TRIML2: variants seen among roughly 807,000 people sequenced by gnomAD.
TRIML2 encodes tripartite motif family like 2.
TRIML2 carries 28 observed loss-of-function variants against 31.2 expected under a neutral mutation model. That is an observed-to-expected ratio of 0.90 (90% CI 0.66 to 1.23). The LOEUF (loss-of-function observed/expected upper bound fraction) is 1.23. Ranked by LOEUF, TRIML2 falls within the 50% of genes most tolerant of loss-of-function variation. The probability of loss-of-function intolerance (pLI) is 0.00; values close to 1 mark genes in which losing one functional copy is unlikely to be tolerated. For missense variants in TRIML2, 536 were observed against 528.3 expected, an observed-to-expected ratio of 1.01 and a Z score of -0.14; for synonymous variants, 187 against 197.5, an observed-to-expected ratio of 0.95 and a Z score of 0.45.
intron 3 of TRIML2, 100 bp downstream of exon 3, chr4:188,104,737 C>T: frequency 2.0e-6 from 2 of 1,002,862 alleles, no homozygotes; most frequent in Non-Finnish European, 1.5e-6. Flanking sequence ...CACATTTTTC[C>T]TGCTTTGTGA....
chr4:188,102,040 G>C (rs539714408), intron 3 of TRIML2, among the ~76,000 whole-genome samples: 1 of 150,488 alleles, frequency 6.6e-6, no homozygotes, highest in African/African-American at 2.4e-5. Context: ...TGAGGCAGGA[G>C]AATGGCGTGA....
At chr4:188,094,856 G>C (rs1733431930) in intron 7 of TRIML2, among the ~76,000 whole-genome samples, 1 of 152,214 alleles carries the variant, frequency 6.6e-6, no homozygotes, top group Non-Finnish European at 1.5e-5. Flanking sequence ...TTTGGAGAAT[G>C]CACAGTACCT....
chr4:188,102,477 A>G (rs1172483413), intron 3 of TRIML2, among the ~76,000 whole-genome samples: 2 of 152,148 alleles, frequency 1.3e-5, no homozygotes, highest in African/African-American at 4.8e-5. Context: ...GAAGCCTACT[A>G]CCATTTGGAA....
At chr4:188,098,035 T>C (rs892532920) in intron 5 of TRIML2, among the ~76,000 whole-genome samples, 5 of 149,380 alleles carry the variant, frequency 3.3e-5, no homozygotes, top group African/African-American at 1.2e-4. Flanking sequence ...GGCAGGAGAA[T>C]CGCTTGAACT....
At chr4:188,096,528 C>CAAAAAAAAAAAA (rs10607852) in intron 7 of TRIML2, among the ~76,000 whole-genome samples, 2 of 39,288 alleles carry the variant, frequency 5.1e-5, no homozygotes, top group Non-Finnish European at 9.8e-5. Flanking sequence ...AACTCTGTCT[C>CAAAAAAAAAAAA]AAAAAAAAAA....
chr4:188,096,261 G>T (rs991415300), intron 7 of TRIML2, among the ~76,000 whole-genome samples: 1 of 151,568 alleles, frequency 6.6e-6, no homozygotes, highest in Admixed American at 6.6e-5. Context: ...TTAGCCAGGC[G>T]TGGTGGCTCA....
intron 5 of TRIML2, 32 bp from the exon 6 acceptor site, chr4:188,097,378 T>A (rs1277090776): frequency 1.9e-6 from 3 of 1,610,944 alleles, no homozygotes; most frequent in Non-Finnish European, 2.5e-6. Flanking sequence ...AGGTTACTAC[T>A]GGGTTTTTGA....
chr4:188,108,420 C>G (rs1044202044), intron 1 of TRIML2, among the ~76,000 whole-genome samples: 1 of 152,154 alleles, frequency 6.6e-6, no homozygotes, highest in South Asian at 2.1e-4. Context: ...TTCACCAATT[C>G]AACTATTGTT....
At chr4:188,098,252 C>T (rs776181789) in intron 5 of TRIML2, 1 of 455,596 alleles carries the variant, frequency 2.2e-6, no homozygotes, top group Non-Finnish European at 4.4e-6. Flanking sequence ...TCTCGCAGTT[C>T]TGGAGGCCGA....
At chr4:188,095,088 A>C (rs1352006481) in intron 7 of TRIML2, among the ~76,000 whole-genome samples, 1 of 152,192 alleles carries the variant, frequency 6.6e-6, no homozygotes, top group Non-Finnish European at 1.5e-5. Context: ...ATAAAAATAG[A>C]AGGTGGGGGG....
At chr4:188,099,532 C>T (rs1462429582) in intron 4 of TRIML2, among the ~76,000 whole-genome samples, 1 of 151,432 alleles carries the variant, frequency 6.6e-6, no homozygotes, top group East Asian at 1.9e-4. Context: ...CCACTGCACT[C>T]CAGCCTGAAT....
chr4:188,093,565 G>C (rs1172881433), intron 7 of TRIML2, among the ~76,000 whole-genome samples: 1 of 152,120 alleles, frequency 6.6e-6, no homozygotes, highest in Non-Finnish European at 1.5e-5. Context: ...AGGAGGGTGA[G>C]GCAGGAGCAT....
chr4:188,095,372 T>G (rs1025304940), intron 7 of TRIML2, among the ~76,000 whole-genome samples: 2 of 152,094 alleles, frequency 1.3e-5, no homozygotes, highest in African/African-American at 4.8e-5. Context: ...TTTGCAAAAT[T>G]TATCTGATAA....
rs769523346 is a variant in TRIML2 at position 188,091,493 on chromosome 4, G to A, written c.1194C>T (p.Cys398=). Residue 398 remains cysteine (C), a synonymous_variant, in exon 8 of 8, where the codon TGC becomes TGT. Coordinates refer to ENST00000682553, the MANE Select transcript of TRIML2 (RefSeq NM_173553.4). The part of the protein sequence containing the change: ...EMSLIYNFSH[C]AFQGALRPVF... ...CAGGCCTGAGAGCTCCTTGGAAGGC[G>A]CAATGGGAGAAATTGTAAATGAGGG... 1.3e-5 allele frequency: 21 copies of A among 1,614,036 alleles called. 1 individual carries two copies. Among genetic ancestry groups the A allele is most frequent in the Admixed American group, 6.7e-5 (4 of 59,978 alleles).
Position 188,105,339 on chromosome 4 carries a change from C to A in TRIML2, c.30G>T (p.Gln10His). The part of the protein sequence containing the change: MSKRLSPQL[Q>H]HNITEDAYCE... ...AATAGGCATCTTCTGTGATGTTGTG[C>A]TGTAACTGAGGGCTGAGCCTTTTGG... is the stretch of plus-strand genomic sequence containing the variant. Residue 10 changes from glutamine (Q) to histidine (H), a missense_variant, in exon 2 of 8, where the codon CAG (glutamine) becomes CAT (histidine). Coordinates refer to ENST00000682553, the MANE Select transcript of TRIML2 (RefSeq NM_173553.4). The A allele has an allele frequency of 6.3e-7, 1 of 1,594,882 alleles. No individual in the cohort carries two copies. The highest frequency in any genetic ancestry group is 1.1e-5 in the South Asian group (1 of 90,676).
intron 4 of TRIML2, among the ~76,000 whole-genome samples, chr4:188,099,563 C>CAA (rs199949049): frequency 2.2e-4 from 27 of 121,024 alleles, no homozygotes; most frequent in East Asian, 7.4e-4. Context: ...GACTCCAAAT[C>CAA]AAAAAAAAAA....
intron 5 of TRIML2, chr4:188,098,687 T>C (rs2111169241): frequency 4.6e-6 from 1 of 219,558 alleles, no homozygotes; most frequent in Non-Finnish European, 9.1e-6. Flanking sequence ...CTTTTTCACT[T>C]AATGAGTGCT....
intron 5 of TRIML2, chr4:188,098,760 A>G (rs1019192084): frequency 2.3e-5 from 9 of 396,288 alleles, no homozygotes; most frequent in African/African-American, 4.1e-5. Context: ...ATTTCATTGC[A>G]TGGAGGTATT....
chr4:188,106,078 C>G (rs1337492072), intron 1 of TRIML2: 1 of 151,234 alleles, frequency 6.6e-6, no homozygotes. Context: ...GAGACGGAGT[C>G]TCGCTCTGTC....
Sources: allele counts gnomAD v4.1 joint callset (sites outside exome capture counted in the v4.1 genomes callset), GRCh38; gene constraint gnomAD v4.1.1; transcripts MANE v1.5; gene names NCBI Gene and HGNC (gene_info 2026-07-23, HGNC 2026-07-21).